ABCG2: variants seen among roughly 807,000 people sequenced by gnomAD.
ABCG2 encodes broad substrate specificity ATP-binding cassette transporter ABCG2.
Under a neutral mutation model 73.5 loss-of-function variants are expected in ABCG2, and 80 were observed. The ratio of observed to expected loss-of-function variants is 1.09; its 90% CI spans 0.91 to 1.31. The LOEUF (loss-of-function observed/expected upper bound fraction) is 1.31, where lower values mean the gene tolerates loss of function less well. Ranked by LOEUF, ABCG2 falls within the 50% of genes most tolerant of loss-of-function variation. The pLI is 0.00. For synonymous variants in ABCG2, 269 were observed against 282.4 expected (o/e 0.95, Z 0.48); for missense variants, 796 against 786.2 (o/e 1.01, Z -0.15).
At chr4:88,206,971 T>C (rs1343022603) in intron 1 of ABCG2, among the ~76,000 whole-genome samples, 5 of 152,170 alleles carry the variant, frequency 3.3e-5, no homozygotes, top group Non-Finnish European at 7.3e-5. Context: ...ATTTGCGTAT[T>C]TTCAGTAGAG....
rs978626017 is a variant in ABCG2 at position 88,216,206 on chromosome 4, A to C, written c.-20+14788T>G. On this transcript the variant is annotated intron_variant, in intron 1 of 15. Coordinates refer to the ABCG2 transcript ENST00000515655. ...TTTACTTCATGCTTAAGGCACAAAG[A>C]TCTCTAGTGACTTATGAGCCGTGGC... 3.3e-4 allele frequency among the ~76,000 whole-genome samples: 50 copies of C among 152,128 alleles called. 1 individual carries two copies. The highest frequency in any genetic ancestry group is 1.2e-3 in the African/African-American group (49 of 41,418).
intron 1 of ABCG2, among the ~76,000 whole-genome samples, chr4:88,214,915 G>A (rs1481935403): frequency 1.3e-5 from 2 of 151,772 alleles, no homozygotes; most frequent in African/African-American, 4.8e-5. Flanking sequence ...GAGCCACAAT[G>A]TCTGGCCTAC....
chr4:88,131,788 C>G lies in ABCG2; in HGVS notation c.378+15G>C. 6.3e-7 allele frequency: 1 copy of G among 1,597,486 alleles called. No homozygotes were observed. The highest frequency in any genetic ancestry group is 8.6e-7 in the Non-Finnish European group (1 of 1,167,202). ...AAACAGAGGAAACAGAAAATGCAAACCCACTAATACTTACTTGTACCACGT... is the reference window on the plus strand; with the variant it reads ...AAACAGAGGAAACAGAAAATGCAAAGCCACTAATACTTACTTGTACCACGT... On this transcript the variant is annotated intron_variant, in intron 4 of 15. Coordinates refer to ENST00000237612, the MANE Select transcript of ABCG2 (RefSeq NM_004827.3).
At position 88,224,779 on chromosome 4, in the gene ABCG2, C is replaced by T. The variant is rs79482659; in HGVS notation, c.-20+6215G>A. ...TGTCATACCCAAGAAATCACTGCCACAGCCAACGTCATGAAGCGTTCCCCT... is the reference window on the plus strand; with the variant it reads ...TGTCATACCCAAGAAATCACTGCCATAGCCAACGTCATGAAGCGTTCCCCT... On this transcript the variant is annotated intron_variant, in intron 1 of 15. Transcript: ENST00000515655. Among the ~76,000 whole-genome samples, 1,044 of 152,328 alleles carry T rather than the reference C, an allele frequency of 6.9e-3. 7 individuals carry two copies. Among genetic ancestry groups the T allele is most frequent in the Non-Finnish European group, 9.3e-3 (633 of 68,026 alleles).
intron 9 of ABCG2, among the ~76,000 whole-genome samples, chr4:88,108,085 A>C: frequency 6.6e-6 from 1 of 152,224 alleles, no homozygotes; most frequent in Admixed American, 6.5e-5. Context: ...TCCTAAGGAG[A>C]CTGGACAAAC....
At chr4:88,102,776 T>C (rs1304659744) in intron 10 of ABCG2, among the ~76,000 whole-genome samples, 1 of 151,992 alleles carries the variant, frequency 6.6e-6, no homozygotes, top group East Asian at 1.9e-4. Flanking sequence ...ACACATCATT[T>C]AAATGGCGTA....
chr4:88,226,563 C>T (rs984546111), intron 1 of ABCG2, among the ~76,000 whole-genome samples: 2 of 152,192 alleles, frequency 1.3e-5, no homozygotes, highest in African/African-American at 4.8e-5. Context: ...ATCCTCACAA[C>T]TACACTATGA....
rs1424776218 is a variant in ABCG2, at chr4:88,113,518, G to C, written c.979C>G (p.Pro327Ala). 4 of 1,614,066 alleles carry C rather than the reference G, an allele frequency of 2.5e-6. No individual in the cohort carries two copies. The highest frequency in any genetic ancestry group is 2.7e-5 in the African/African-American group (2 of 75,020). ...EIIEPSKQDK[P>A]LIEKLAEIYV... ...ATCTCCGCTAATTTTTCTATGAGTGGCTTATCCTGCTTGGAAGGCTCTATG... is the reference window on the plus strand; with the variant it reads ...ATCTCCGCTAATTTTTCTATGAGTGCCTTATCCTGCTTGGAAGGCTCTATG... Residue 327 changes from proline to alanine, a missense_variant, in exon 9 of 16, where the codon CCA becomes GCA. Transcript: ENST00000237612.
At chr4:88,179,688 C>T (rs565059489) in intron 1 of ABCG2, among the ~76,000 whole-genome samples, 7 of 152,258 alleles carry the variant, frequency 4.6e-5, no homozygotes, top group Non-Finnish European at 7.4e-5. Context: ...ATTTACAATC[C>T]TATTTATGGG....
rs183311785 is a variant in ABCG2, at chr4:88,119,864, G to A, written c.690-1604C>T. ...CAGAAAATTTGCAGCCTGATGATGC[G>A]ATAAAAAAGAAAAACCCATTTTCTG... is the stretch of plus-strand genomic sequence containing the variant. On this transcript the variant is annotated intron_variant, in intron 6 of 15. Coordinates refer to ENST00000237612, the MANE Select transcript of ABCG2 (RefSeq NM_004827.3). 2.0e-4 allele frequency among the ~76,000 whole-genome samples: 30 copies of A among 152,214 alleles called. No individual in the cohort carries two copies. The East Asian group carries it at 3.3e-3, about 17-fold the overall frequency.
chr4:88,187,689 T>C (rs976391507), intron 1 of ABCG2, among the ~76,000 whole-genome samples: 2 of 152,190 alleles, frequency 1.3e-5, no homozygotes, highest in Non-Finnish European at 2.9e-5. Flanking sequence ...TTACATATTG[T>C]ATGCCTATGT....
intron 8 of ABCG2, among the ~76,000 whole-genome samples, chr4:88,114,091 C>G (rs1339484137): frequency 3.3e-5 from 5 of 151,482 alleles, no homozygotes; most frequent in African/African-American, 1.2e-4. Flanking sequence ...TCATGCGAGG[C>G]CAGGAATTCA....
rs28844890 is a variant in ABCG2 at position 88,125,249 on chromosome 4, G to A, written c.532-3457C>T. On this transcript the variant is annotated intron_variant, in intron 5 of 15. Coordinates refer to ENST00000237612, the MANE Select transcript of ABCG2 (RefSeq NM_004827.3). ...TGAACTTGCAGTGAGCCAAGATCGC[G>A]CCACTGCATTCAAGCCTGGGCAACA... 6.4e-3 allele frequency among the ~76,000 whole-genome samples: 962 copies of A among 149,768 alleles called. 6 individuals are homozygous for A. Among genetic ancestry groups the A allele is most frequent in the African/African-American group, 0.023 (923 of 40,670 alleles).
intron 1 of ABCG2, among the ~76,000 whole-genome samples, chr4:88,173,442 G>T (rs1560736569): frequency 6.6e-6 from 1 of 152,116 alleles, no homozygotes; most frequent in African/African-American, 2.4e-5. Flanking sequence ...CTAAAAACTT[G>T]AGTAGATTCA....
At chr4:88,121,858 C>A in intron 5 of ABCG2, 66 bp from the exon 6 acceptor site, 4 of 1,493,530 alleles carry the variant, frequency 2.7e-6, no homozygotes, top group Non-Finnish European at 3.7e-6. Context: ...GAGCTCCTAA[C>A]GTGTGCCAGT....
intron 1 of ABCG2, among the ~76,000 whole-genome samples, chr4:88,171,831 C>G (rs6824268): frequency 0.24 from 36,095 of 151,964 alleles, 5,674 homozygotes; most frequent in African/African-American, 0.45. Flanking sequence ...AATTACAGAC[C>G]TGTGGGGCCC....
At chr4:88,169,623 T>C (rs997665884) in intron 1 of ABCG2, among the ~76,000 whole-genome samples, 2 of 152,132 alleles carry the variant, frequency 1.3e-5, no homozygotes, top group African/African-American at 4.8e-5. Context: ...TGTGAAACTA[T>C]TTTCTCCCTT....
chr4:88,202,654 C>T lies in ABCG2; in HGVS notation c.-20+28340G>A, dbSNP rs571690818. On this transcript the variant is annotated intron_variant, in intron 1 of 15. Transcript: ENST00000515655. Reference sequence around the variant, plus strand: ...AAAGGGCTCAAACTTCCCATGGCTCCACCCCGTTCTCCCAGTGTACAGGCT... The same window carrying T: ...AAAGGGCTCAAACTTCCCATGGCTCTACCCCGTTCTCCCAGTGTACAGGCT... 1.6e-3 allele frequency among the ~76,000 whole-genome samples: 247 copies of T among 151,928 alleles called. 1 individual carries two copies. The highest frequency in any genetic ancestry group is 3.0e-3 in the Non-Finnish European group (203 of 67,966).
intron 1 of ABCG2, among the ~76,000 whole-genome samples, chr4:88,154,769 T>C (rs1726810066): frequency 6.6e-6 from 1 of 152,016 alleles, no homozygotes; most frequent in African/African-American, 2.4e-5. Context: ...TGAGTATAGC[T>C]GGAGGAGCCG....
Sources: gnomAD v4.1 joint callset for allele counts (sites outside exome capture counted in the v4.1 genomes callset) on GRCh38, gnomAD v4.1.1 for gene constraint, MANE v1.5 for transcripts, NCBI Gene and HGNC (gene_info 2026-07-23, HGNC 2026-07-21) for gene names.